The following PHKB variants were observed in gnomAD, a reference collection of about 807,000 sequenced individuals.
PHKB encodes the protein phosphorylase kinase regulatory subunit beta.
In PHKB, 122 loss-of-function variants were observed where a neutral mutation model predicts 152.1. The observed-to-expected ratio is 0.80, with a 90% CI of 0.69 to 0.93. The LOEUF (loss-of-function observed/expected upper bound fraction) is 0.93. PHKB is among the 40% of genes least tolerant of loss of function. The probability of loss-of-function intolerance (pLI) is 0.00; values close to 1 mark genes in which losing one functional copy is unlikely to be tolerated. For missense variants in PHKB, 1,304 were observed against 1,328.4 expected (o/e 0.98, Z 0.29); for synonymous variants, 436 against 464.9 (o/e 0.94, Z 0.80).
intron 16 of PHKB, among the ~76,000 whole-genome samples, chr16:47,647,101 TTATTTATTTATG>T (rs1212747374): frequency 1.3e-5 from 2 of 151,916 alleles, no homozygotes; most frequent in East Asian, 1.9e-4. Flanking sequence ...CAGTTTTTAT[TTATTTATTTATG>T]TATTTATTTA....
intron 27 of PHKB, among the ~76,000 whole-genome samples, chr16:47,690,027 C>A (rs1047453177): frequency 3.9e-5 from 6 of 152,156 alleles, no homozygotes; most frequent in Non-Finnish European, 5.9e-5. Flanking sequence ...CCCTGCTAGA[C>A]ATTAAAACAT....
At chr16:47,529,153 A>G (rs1449641521) in intron 6 of PHKB, 1 of 152,088 alleles carries the variant, frequency 6.6e-6, no homozygotes, top group Non-Finnish European at 1.5e-5. Flanking sequence ...TCTAGGTATC[A>G]TGTCTACACT....
At chr16:47,550,588 C>T (rs1422201832) in intron 7 of PHKB, among the ~76,000 whole-genome samples, 3 of 152,164 alleles carry the variant, frequency 2.0e-5, no homozygotes, top group Admixed American at 6.5e-5. Context: ...CTCACTAGGG[C>T]CTCAGCTGAA....
intron 26 of PHKB, among the ~76,000 whole-genome samples, chr16:47,673,963 T>C (rs1036112885): frequency 3.9e-5 from 6 of 152,178 alleles, no homozygotes; most frequent in Admixed American, 3.9e-4. Context: ...ACTCCAGTGT[T>C]CTTATTCTTC....
At chr16:47,521,917 G>A (rs1970692475) in intron 6 of PHKB, among the ~76,000 whole-genome samples, 1 of 151,908 alleles carries the variant, frequency 6.6e-6, no homozygotes, top group African/African-American at 2.4e-5. Flanking sequence ...ATCTTACTTG[G>A]TCATGATGTA....
chr16:47,477,713 G>T (rs1207486710), intron 1 of PHKB, among the ~76,000 whole-genome samples: 1 of 152,108 alleles, frequency 6.6e-6, no homozygotes, highest in African/African-American at 2.4e-5. Flanking sequence ...AAACTACATG[G>T]CTCTGACTGC....
chr16:47,581,112 A>G (rs190559211), intron 8 of PHKB, among the ~76,000 whole-genome samples: 2 of 152,088 alleles, frequency 1.3e-5, no homozygotes, highest in East Asian at 3.9e-4. Context: ...AGCTACTGAA[A>G]TGCTAAGTCA....
intron 14 of PHKB, among the ~76,000 whole-genome samples, chr16:47,616,873 TTAAAGGGATGGGCTGAAA>T (rs1265292316): frequency 1.1e-4 from 16 of 151,298 alleles, no homozygotes; most frequent in African/African-American, 3.6e-4. Context: ...GTCATAAGAT[TTAAAGGGATGGGCTGAAA>T]TAAAGGGATG....
chr16:47,497,361 A>G, intron 1 of PHKB, 38 bp from the exon 2 acceptor site: 1 of 1,264,744 alleles, frequency 7.9e-7, no homozygotes, highest in South Asian at 1.2e-5. Context: ...TCTTTGTGAA[A>G]ATGACTGAAT....
intron 16 of PHKB, 61 bp downstream of exon 16, chr16:47,641,753 A>G (rs1973027232): frequency 1.1e-6 from 1 of 896,234 alleles, no homozygotes; most frequent in South Asian, 1.3e-5. Context: ...TGATGGTTGG[A>G]CTTAGTTTAC....
At chr16:47,565,103 T>C (rs1971543039) in intron 7 of PHKB, 1 of 497,976 alleles carries the variant, frequency 2.0e-6, no homozygotes, top group Non-Finnish European at 4.0e-6. Flanking sequence ...ATCTTCTCCC[T>C]CGTTTTCATT....
intron 13 of PHKB, among the ~76,000 whole-genome samples, chr16:47,603,380 A>G (rs931488310): frequency 2.0e-5 from 3 of 152,232 alleles, no homozygotes; most frequent in Non-Finnish European, 4.4e-5. Context: ...TGTGATGGCT[A>G]GTGACCTAAA....
intron 1 of PHKB, among the ~76,000 whole-genome samples, chr16:47,492,242 A>G (rs992212807): frequency 2.0e-5 from 3 of 152,332 alleles, no homozygotes; most frequent in Non-Finnish European, 2.9e-5. Context: ...AAAGTTTGCT[A>G]TGGAAAGATG....
intron 14 of PHKB, among the ~76,000 whole-genome samples, chr16:47,611,624 G>T (rs1438792593): frequency 2.0e-5 from 3 of 151,700 alleles, no homozygotes; most frequent in Non-Finnish European, 1.5e-5. Flanking sequence ...GCTTACAAAT[G>T]GAAATGTTCC....
intron 1 of PHKB, chr16:47,463,978 G>T: frequency 6.2e-7 from 1 of 1,612,214 alleles, no homozygotes; most frequent in Non-Finnish European, 8.5e-7. Flanking sequence ...TCCGTCTTCC[G>T]CTTTCTTAAG....
intron 7 of PHKB, among the ~76,000 whole-genome samples, chr16:47,560,712 G>C (rs1360810488): frequency 6.6e-6 from 1 of 151,660 alleles, no homozygotes; most frequent in Non-Finnish European, 1.5e-5. Flanking sequence ...TCCACATACA[G>C]AGGAATGAAT....
At chr16:47,591,097 G>A (rs1188956284) in intron 10 of PHKB, among the ~76,000 whole-genome samples, 2 of 152,072 alleles carry the variant, frequency 1.3e-5, no homozygotes, top group Non-Finnish European at 2.9e-5. Context: ...TTCTGTGATA[G>A]AAGGATATCT....
chr16:47,548,136 T>C (rs1221170820), intron 7 of PHKB: 1 of 153,902 alleles, frequency 6.5e-6, no homozygotes, highest in Non-Finnish European at 1.4e-5. Context: ...GTTAAGGAAG[T>C]AGCTTTAGTG....
intron 26 of PHKB, among the ~76,000 whole-genome samples, chr16:47,675,196 A>G (rs1055210509): frequency 4.6e-5 from 7 of 152,134 alleles, no homozygotes; most frequent in African/African-American, 1.7e-4. Flanking sequence ...AGGATTTGGA[A>G]CTAGTGTGAG....
Sources: allele counts gnomAD v4.1 joint callset (sites outside exome capture counted in the v4.1 genomes callset), GRCh38; gene constraint gnomAD v4.1.1; transcripts MANE v1.5; gene names NCBI Gene and HGNC (gene_info 2026-07-23, HGNC 2026-07-21).